The following RYR2 variants were observed in gnomAD, a reference collection of about 807,000 sequenced individuals.
The protein encoded by RYR2 is cardiac muscle ryanodine receptor-calcium release channel.
Under a neutral mutation model 601.1 loss-of-function variants are expected in RYR2, and 227 were observed. The observed-to-expected ratio is 0.38, with a 90% confidence interval of 0.34 to 0.42. The LOEUF is 0.42. Ranked by LOEUF, RYR2 falls within the 10% of genes least tolerant of loss-of-function variation. The probability of loss-of-function intolerance (pLI) is 1.00; values close to 1 mark genes in which losing one functional copy is unlikely to be tolerated. For missense variants in RYR2, 4,646 were observed against 6,156.5 expected (o/e 0.75, Z 8.21); for synonymous variants, 2,223 against 2,175.1 (o/e 1.02, Z -0.61).
At chr1:237,204,146 G>T (rs1056074190) in intron 1 of RYR2, among the ~76,000 whole-genome samples, 7 of 152,160 alleles carry the variant, frequency 4.6e-5, no homozygotes, top group African/African-American at 1.7e-4. Flanking sequence ...GAGTAGCTGG[G>T]ACTACAGATG....
intron 1 of RYR2, among the ~76,000 whole-genome samples, chr1:237,238,266 C>T (rs2149220227): frequency 6.6e-6 from 1 of 152,202 alleles, no homozygotes; most frequent in African/African-American, 2.4e-5. Flanking sequence ...CCACTGTGCC[C>T]AGCCCTTAAC....
At chr1:237,484,226 C>T (rs951301117) in intron 17 of RYR2, among the ~76,000 whole-genome samples, 1 of 152,226 alleles carries the variant, frequency 6.6e-6, no homozygotes, top group African/African-American at 2.4e-5. Context: ...TCTCCCAGAG[C>T]AGAATCACAC....
At chr1:237,563,495 C>T (rs1349114564) in intron 27 of RYR2, among the ~76,000 whole-genome samples, 1 of 149,830 alleles carries the variant, frequency 6.7e-6, no homozygotes, top group Non-Finnish European at 1.5e-5. Flanking sequence ...TGTGAAGTCC[C>T]TTGCATGATA....
intron 1 of RYR2, among the ~76,000 whole-genome samples, chr1:237,132,657 AACCCATGCAGTGGG>A (rs1335350800): frequency 6.6e-6 from 1 of 152,244 alleles, no homozygotes; most frequent in African/African-American, 2.4e-5. Flanking sequence ...GAAAATATGA[AACCCATGCAGTGGG>A]ACTCACAGAA....
rs373265181 is a variant in RYR2, at chr1:237,629,134, T to A, written c.6440+1054T>A. On this transcript the variant is annotated intron_variant, in intron 41 of 104. Transcript: ENST00000366574. ...AAAGAATGGGATGCAACACGTTTTT[T>A]TGAGTATACTACTGATTTATACATG... Among the ~76,000 whole-genome samples, 3 of 152,318 alleles carry A rather than the reference T, an allele frequency of 2.0e-5. No homozygotes were observed. The South Asian group carries it at 6.2e-4, about 32-fold the overall frequency.
chr1:237,267,605 C>T, intron 1 of RYR2: 1 of 325,390 alleles, frequency 3.1e-6, no homozygotes, highest in Non-Finnish European at 6.4e-6. Flanking sequence ...CCTTTCTGGG[C>T]CCTAGATCCT....
chr1:237,375,310 A>G (rs1700934975), intron 7 of RYR2, among the ~76,000 whole-genome samples: 1 of 152,086 alleles, frequency 6.6e-6, no homozygotes, highest in Non-Finnish European at 1.5e-5. Context: ...TTTTTTGGAG[A>G]ATCAAAATAG....
At chr1:237,514,880 A>G (rs986478772) in intron 24 of RYR2, among the ~76,000 whole-genome samples, 2 of 152,244 alleles carry the variant, frequency 1.3e-5, no homozygotes, top group Admixed American at 6.5e-5. Context: ...GAGAGGGAGC[A>G]TAGTCTAGGT....
At chr1:237,317,683 T>C (rs1695242116) in intron 2 of RYR2, among the ~76,000 whole-genome samples, 2 of 152,054 alleles carry the variant, frequency 1.3e-5, no homozygotes, top group South Asian at 2.1e-4. Flanking sequence ...TCTCTCTCTC[T>C]CCTTCCCTTC....
chr1:237,443,456 A>G (rs1247629311), intron 13 of RYR2, among the ~76,000 whole-genome samples: 1 of 152,184 alleles, frequency 6.6e-6, no homozygotes, highest in Non-Finnish European at 1.5e-5. Flanking sequence ...AAAGAAGATA[A>G]AAATCATGTG....
At position 237,784,482 on chromosome 1, in the gene RYR2, G is replaced by A. The variant is rs371396204; in HGVS notation, c.12770G>A (p.Arg4257Gln). Reference sequence around the variant, plus strand: ...AGGTACAATATCTTGACCCTTATGCGAATGCTCAGTCTGAAGAGCCTGAAG... The same window carrying A: ...AGGTACAATATCTTGACCCTTATGCAAATGCTCAGTCTGAAGAGCCTGAAG... ...ALRYNILTLM[R>Q]MLSLKSLKKQ... The change falls in exon 90 of 105, where the codon CGA becomes CAA. Residue 4257 changes from arginine to glutamine, a missense_variant. Coordinates refer to ENST00000366574, the MANE Select transcript of RYR2 (RefSeq NM_001035.3). This position sits in a 1 kb window ranked among gnomAD's most constrained non-coding sequence, Gnocchi z 7.1. 3 of 1,613,416 alleles carry A rather than the reference G, an allele frequency of 1.9e-6. No individual in the cohort carries two copies. The highest frequency in any genetic ancestry group is 1.3e-5 in the African/African-American group (1 of 74,892).
intron 27 of RYR2, among the ~76,000 whole-genome samples, chr1:237,551,293 G>A (rs1169452239): frequency 6.6e-6 from 1 of 152,142 alleles, no homozygotes; most frequent in Non-Finnish European, 1.5e-5. Flanking sequence ...AGTTTGGGAG[G>A]CTGAGGCAGG....
rs574214451 is a variant in RYR2 at position 237,157,426 on chromosome 1, T to C, written c.49-113071T>C. ...AACAGCAATCAGTATATCTAAGATA[T>C]CTGCACTCTCACATTCATTGCAGCA... On this transcript the variant is annotated intron_variant, in intron 1 of 104. Transcript: ENST00000366574. 1.1e-3 allele frequency among the ~76,000 whole-genome samples: 172 copies of C among 151,768 alleles called. 2 individuals carry two copies. Among genetic ancestry groups the C allele is most frequent in the African/African-American group, 3.8e-3 (157 of 41,382 alleles).
chr1:237,382,614 A>G (rs1701625181), intron 8 of RYR2, among the ~76,000 whole-genome samples: 1 of 144,716 alleles, frequency 6.9e-6, no homozygotes, highest in Non-Finnish European at 1.5e-5. Context: ...CCTATGAGTG[A>G]GAACATTCGG....
In RYR2 at chr1:237,341,587, C is replaced by T. The variant is rs147387772; in HGVS notation, c.273+10605C>T. On this transcript the variant is annotated intron_variant, in intron 3 of 104. Transcript: ENST00000366574. ...ATCTCAGGAATGCAGGTCTTTGGGT[C>T]TGTGGTATTCGCTTGCTATACCACT... 511 of 504,606 alleles carry T rather than the reference C, an allele frequency of 1.0e-3. 5 individuals carry two copies. The highest frequency in any genetic ancestry group is 8.9e-3 in the African/African-American group (460 of 51,914). The allele number at this position is 504,606 out of a possible 1,614,324, so 31.3% of individuals were successfully genotyped here. A position where few individuals can be genotyped will look rare whatever the true frequency, so the allele number is the denominator to read the frequency against.
chr1:237,077,847 C>G (rs1254188660), intron 1 of RYR2, among the ~76,000 whole-genome samples: 1 of 149,652 alleles, frequency 6.7e-6, no homozygotes, highest in African/African-American at 2.4e-5. Context: ...CACACCACAC[C>G]TATTCCAAAA....
intron 2 of RYR2, 100 bp from the exon 3 acceptor site, chr1:237,330,778 A>G: frequency 1.2e-6 from 1 of 843,696 alleles, no homozygotes; most frequent in South Asian, 1.4e-5. Context: ...AAGTTGACAA[A>G]TACTGTTTCT....
chr1:237,448,949 T>A (rs1657729390), intron 14 of RYR2, among the ~76,000 whole-genome samples: 1 of 152,164 alleles, frequency 6.6e-6, no homozygotes, highest in Non-Finnish European at 1.5e-5. Flanking sequence ...AATTGTATTG[T>A]TTAATCCATT....
chr1:237,797,403 C>CTCAGGGGA (rs1193281704), intron 96 of RYR2, among the ~76,000 whole-genome samples: 3 of 151,990 alleles, frequency 2.0e-5, no homozygotes, highest in Non-Finnish European at 4.4e-5. Context: ...GGTCAGGATA[C>CTCAGGGGA]TCAGGGGAGT....
Sources: gnomAD v4.1 joint callset for allele counts (sites outside exome capture counted in the v4.1 genomes callset) on GRCh38, gnomAD v4.1.1 for gene constraint, Gnocchi (gnomAD v3.1) non-coding constraint, MANE v1.5 for transcripts, NCBI Gene and HGNC (gene_info 2026-07-23, HGNC 2026-07-21) for gene names.